Variants in HMCN1 observed in about 807,000 individuals in gnomAD.
HMCN1 encodes the protein hemicentin-1.
A neutral mutation model predicts 625.9 loss-of-function variants in HMCN1; 321 were observed. The ratio of observed to expected loss-of-function variants is 0.51; its 90% CI spans 0.47 to 0.56. The LOEUF (loss-of-function observed/expected upper bound fraction) is 0.56. Among genes scored for constraint, HMCN1 ranks in the 20% least tolerant of loss-of-function variants. The pLI is 0.00. For synonymous variants in HMCN1, 2,425 were observed against 2,417.6 expected (o/e 1.00, Z -0.09); for missense variants, 6,588 against 6,887.3 (o/e 0.96, Z 1.54).
intron 11 of HMCN1, among the ~76,000 whole-genome samples, chr1:185,938,096 A>C (rs796719030): frequency 3.4e-4 from 52 of 152,118 alleles, no homozygotes; most frequent in African/African-American, 1.2e-3. Flanking sequence ...AATAACTAAC[A>C]GTTGAATAAT....
At chr1:186,133,052 T>G (rs1178975921) in intron 86 of HMCN1, among the ~76,000 whole-genome samples, 3 of 152,178 alleles carry the variant, frequency 2.0e-5, no homozygotes, top group African/African-American at 4.8e-5. Flanking sequence ...TGTTGGACAT[T>G]TGGGTTGGTT....
chr1:186,151,554 A>G, intron 94 of HMCN1, 52 bp from the exon 95 acceptor site: 2 of 1,553,110 alleles, frequency 1.3e-6, no homozygotes, highest in Non-Finnish European at 1.8e-6. Context: ...TGAAGACAAT[A>G]AAATAGACTA....
intron 95 of HMCN1, among the ~76,000 whole-genome samples, chr1:186,151,948 AT>A (rs1190397309): frequency 1.3e-5 from 2 of 152,216 alleles, no homozygotes; most frequent in Non-Finnish European, 2.9e-5. Context: ...CAGTCATTTT[AT>A]ACCCTAAAAG....
chr1:186,117,516 C>A lies in HMCN1; in HGVS notation c.11741C>A (p.Ala3914Glu). ...TTCCTAGTAACCAAACATGCCCCAGCAGTAATTACCTGCACTGCTTCGGGA... is the reference window on the plus strand; with the variant it reads ...TTCCTAGTAACCAAACATGCCCCAGAAGTAATTACCTGCACTGCTTCGGGA... Reference protein sequence around the residue: ...TDFLVTKHAPAVITCTASGVP... With the variant: ...TDFLVTKHAPEVITCTASGVP... Residue 3914 changes from alanine (A) to glutamate (E), a missense_variant, in exon 77 of 107, where the codon GCA becomes GAA. Around this residue, in one of 3 missense-constraint regions of HMCN1, gnomAD observed 4,628 missense variants for 4,853.1 expected, o/e 0.95. Transcript: ENST00000271588. 6.2e-7 allele frequency: 1 copy of A among 1,613,872 alleles called. No individual in the cohort carries two copies. The highest frequency in any genetic ancestry group is 1.7e-4 in the Middle Eastern group (1 of 6,060).
At chr1:185,735,121 G>C (rs1353537984) in intron 1 of HMCN1, 74 bp downstream of exon 1, 1 of 1,496,798 alleles carries the variant, frequency 6.7e-7, no homozygotes, top group Non-Finnish European at 9.3e-7. Context: ...GAATGAAATT[G>C]TTTGTCAGGA....
chr1:186,182,003 A>G (rs1652963160), intron 104 of HMCN1, among the ~76,000 whole-genome samples, 165 bp from the exon 105 acceptor site: 2 of 152,216 alleles, frequency 1.3e-5, no homozygotes, highest in Non-Finnish European at 2.9e-5. Context: ...TTTATAACAT[A>G]AAAGTATCTT....
chr1:186,125,631 G>T lies in HMCN1; in HGVS notation c.12527G>T (p.Gly4176Val), dbSNP rs374499731. ...HVPPRIRSTE[G>V]HYTVNENSQA... ...CCACCCAGGATCAGAAGTACAGAAGGACACTACACGGTCAATGAGAATTCA... is the reference window on the plus strand; with the variant it reads ...CCACCCAGGATCAGAAGTACAGAAGTACACTACACGGTCAATGAGAATTCA... The change falls in exon 82 of 107, where the codon GGA becomes GTA. Residue 4176 changes from glycine to valine, a missense_variant. By Grantham distance (109) the Gly-to-Val change is moderately radical. Around this residue, in one of 3 missense-constraint regions of HMCN1, gnomAD observed 1,954 missense variants for 2,013.1 expected, o/e 0.97. Transcript: ENST00000271588. The T allele has an allele frequency of 7.4e-6, 12 of 1,613,168 alleles. No individual in the cohort carries two copies. Among genetic ancestry groups the T allele is most frequent in the Middle Eastern group, 1.7e-4 (1 of 6,056 alleles).
chr1:186,175,198 A>C (rs1003416113), intron 103 of HMCN1, among the ~76,000 whole-genome samples: 1 of 152,244 alleles, frequency 6.6e-6, no homozygotes, highest in Admixed American at 6.5e-5. Context: ...ATGAAGGCAA[A>C]TAGAAAATAT....
chr1:186,179,702 A>G (rs1365867526), intron 104 of HMCN1, among the ~76,000 whole-genome samples: 2 of 152,028 alleles, frequency 1.3e-5, no homozygotes, highest in Non-Finnish European at 2.9e-5. Context: ...CACTTTGCTT[A>G]CTCTCTTAAC....
At chr1:186,186,316 C>T (rs575935110) in intron 105 of HMCN1, among the ~76,000 whole-genome samples, 1 of 152,184 alleles carries the variant, frequency 6.6e-6, no homozygotes, top group Non-Finnish European at 1.5e-5. Flanking sequence ...CACCAAAGGT[C>T]AGGGGTTCAA....
In HMCN1 at chr1:185,959,916, A is replaced by G. The variant is rs1649889291; in HGVS notation, c.1829-2602A>G. 2.6e-5 allele frequency among the ~76,000 whole-genome samples: 4 copies of G among 152,314 alleles called. No individual in the cohort carries two copies. In the South Asian group the frequency reaches 8.3e-4, roughly 32 times the overall value. ...AATTCCATGTTCTTGCTCCATTGAA[A>G]CTACTTCATTAAAATGAGGAGGTTT... On this transcript the variant is annotated intron_variant, in intron 11 of 106. Transcript: ENST00000271588.
rs199516729 is a variant in HMCN1, at chr1:186,062,091, C to T, written c.7426+127C>T. 66 of 625,746 alleles carry T rather than the reference C, an allele frequency of 1.1e-4. No homozygotes were observed. In the East Asian group the frequency reaches 1.3e-3, roughly 12 times the overall value. 38.8% of individuals were successfully genotyped at this position (625,746 alleles called of 1,614,324 possible). A position where few individuals can be genotyped will look rare whatever the true frequency, so the allele number is the denominator to read the frequency against. ...TTAGACCCTGGACTGTGACTCTTGG[C>T]AAGAATTCAATATCAGAATTGTTTG... is the stretch of plus-strand genomic sequence containing the variant. On this transcript the variant is annotated intron_variant, in intron 47 of 106. Coordinates refer to ENST00000271588, the MANE Select transcript of HMCN1 (RefSeq NM_031935.3).
At chr1:185,763,800 C>T (rs1320375276) in intron 1 of HMCN1, among the ~76,000 whole-genome samples, 2 of 152,180 alleles carry the variant, frequency 1.3e-5, no homozygotes, top group African/African-American at 2.4e-5. Flanking sequence ...GTCACTTACA[C>T]ATAGCTCTCT....
chr1:185,904,157 C>G (rs896667460), intron 4 of HMCN1, among the ~76,000 whole-genome samples: 1 of 151,790 alleles, frequency 6.6e-6, no homozygotes, highest in East Asian at 1.9e-4. Flanking sequence ...ATATTCCCAC[C>G]TGGGTGCTCA....
intron 68 of HMCN1, 51 bp downstream of exon 68, chr1:186,095,572 G>C: frequency 6.4e-7 from 1 of 1,563,418 alleles, no homozygotes; most frequent in Non-Finnish European, 8.8e-7. Context: ...AAGTGATAGT[G>C]AATGTTTAGT....
At position 186,119,267 on chromosome 1, in the gene HMCN1, T is replaced by C; in HGVS notation, c.11925T>C (p.Ser3975=). Residue 3975 remains serine (S), a synonymous_variant, in exon 78 of 107, where the codon TCT becomes TCC. Transcript: ENST00000271588. The part of the protein sequence containing the change: ...YTCVARNAAG[S]AHRHVTLHVH... ...GTGTCGCTAGGAATGCGGCTGGCTCTGCACATCGACACGTGACCCTTCATG... is the reference window on the plus strand; with the variant it reads ...GTGTCGCTAGGAATGCGGCTGGCTCCGCACATCGACACGTGACCCTTCATG... 1 of 1,613,942 alleles carries C rather than the reference T, an allele frequency of 6.2e-7. No homozygotes were observed. Among genetic ancestry groups the C allele is most frequent in the Non-Finnish European group, 8.5e-7 (1 of 1,179,792 alleles).
At chr1:186,089,746 G>C (rs143454693) in intron 63 of HMCN1, among the ~76,000 whole-genome samples, 1 of 151,876 alleles carries the variant, frequency 6.6e-6, no homozygotes, top group African/African-American at 2.4e-5. Flanking sequence ...TCCAGTGCTT[G>C]TCATATATTA....
chr1:185,833,496 G>A (rs1660996327), intron 1 of HMCN1, among the ~76,000 whole-genome samples: 3 of 152,198 alleles, frequency 2.0e-5, no homozygotes, highest in Admixed American at 1.3e-4. Flanking sequence ...GTGTTTGCCA[G>A]TGAAGATCTT....
intron 1 of HMCN1, among the ~76,000 whole-genome samples, chr1:185,820,152 G>T (rs1660096617): frequency 6.6e-6 from 1 of 152,134 alleles, no homozygotes; most frequent in Admixed American, 6.6e-5. Flanking sequence ...TTTTTCATAA[G>T]AATTAAAATG....
Sources: gnomAD v4.1 joint callset for allele counts (sites outside exome capture counted in the v4.1 genomes callset) on GRCh38, gnomAD v4.1.1 for gene constraint, gnomAD v4.1.1 regional missense constraint, MANE v1.5 for transcripts, NCBI Gene and HGNC (gene_info 2026-07-23, HGNC 2026-07-21) for gene names.